Variants in PCSK1 observed in about 807,000 individuals in gnomAD.
PCSK1 encodes proprotein convertase subtilisin/kexin type 1, also known as neuroendocrine convertase 1.
PCSK1 carries 56 observed loss-of-function variants against 90.6 expected under a neutral mutation model. That is an observed-to-expected ratio of 0.62 (90% confidence interval 0.50 to 0.77). The LOEUF (loss-of-function observed/expected upper bound fraction) is 0.77, where lower values mean the gene tolerates loss of function less well. Among genes scored for constraint, PCSK1 ranks in the 30% least tolerant of loss-of-function variants. The pLI, the probability that PCSK1 is intolerant of heterozygous loss-of-function variation, is 0.00. For missense variants in PCSK1, 801 were observed against 932.6 expected (o/e 0.86, Z 1.84); for synonymous variants, 348 against 342.4 (o/e 1.02, Z -0.18).
chr5:96,407,763 T>G (rs1760622426), intron 9 of PCSK1, among the ~76,000 whole-genome samples: 3 of 152,210 alleles, frequency 2.0e-5, no homozygotes, highest in Admixed American at 2.0e-4. Context: ...TTATATCAGC[T>G]CCAGGACTAG....
intron 2 of PCSK1, among the ~76,000 whole-genome samples, chr5:96,428,957 G>T (rs928731545): frequency 1.3e-5 from 2 of 151,734 alleles, no homozygotes; most frequent in Non-Finnish European, 2.9e-5. Context: ...ATTAACTTTA[G>T]ATATATATGT....
intron 9 of PCSK1, among the ~76,000 whole-genome samples, chr5:96,401,982 T>A (rs528626397): frequency 1.1e-4 from 16 of 152,332 alleles, no homozygotes; most frequent in African/African-American, 3.6e-4. Flanking sequence ...TTGAGACCTG[T>A]ATTGTTCCCT....
chr5:96,412,263 C>T, intron 7 of PCSK1, 55 bp downstream of exon 7: 2 of 1,253,886 alleles, frequency 1.6e-6, no homozygotes, highest in East Asian at 4.9e-5. Flanking sequence ...TTTCCTTCTC[C>T]TCATATCCAG....
At chr5:96,408,871 G>A (rs1760660202) in intron 8 of PCSK1, among the ~76,000 whole-genome samples, 1 of 152,150 alleles carries the variant, frequency 6.6e-6, no homozygotes, top group Non-Finnish European at 1.5e-5. Flanking sequence ...CCTGTGAGTT[G>A]GTGTCCACAT....
rs1039644125 is a variant in PCSK1 at position 96,392,600 on chromosome 5, A to T, written c.*401T>A. On this transcript the variant is annotated 3_prime_UTR_variant, in exon 14 of 14. Coordinates refer to ENST00000311106, the MANE Select transcript of PCSK1 (RefSeq NM_000439.5). ...GGACAAGACAGGGAACAAGCTACAG[A>T]AACAGTTTCTGACTCCTTCTCATTC... The T allele has an allele frequency of 3.9e-5, 8 of 205,552 alleles. No individual in the cohort carries two copies. Among genetic ancestry groups the T allele is most frequent in the Non-Finnish European group, 5.9e-5 (6 of 101,396 alleles). The allele number at this position is 205,552 out of a possible 1,614,324, so 12.7% of individuals were successfully genotyped here.
intron 3 of PCSK1, among the ~76,000 whole-genome samples, chr5:96,425,007 GAAAAGAAAGAAA>G (rs1761243059): frequency 1.5e-5 from 1 of 66,874 alleles, no homozygotes. Flanking sequence ...GAGAAAGAAA[GAAAAGAAAGAAA>G]GAAAGAAAGA....
chr5:96,430,106 C>T (rs556579166), intron 1 of PCSK1, among the ~76,000 whole-genome samples: 323 of 152,188 alleles, frequency 2.1e-3, no homozygotes, highest in African/African-American at 7.3e-3. Context: ...TATTAGTGAT[C>T]GTTTGATTTT....
intron 5 of PCSK1, among the ~76,000 whole-genome samples, chr5:96,418,192 T>C (rs1449908017): frequency 6.6e-6 from 1 of 152,204 alleles, no homozygotes; most frequent in African/African-American, 2.4e-5. Context: ...AGGTTCCACC[T>C]CCAAACGTTG....
chr5:96,405,965 G>A (rs886760926), intron 9 of PCSK1, among the ~76,000 whole-genome samples: 1 of 152,166 alleles, frequency 6.6e-6, no homozygotes, highest in African/African-American at 2.4e-5. Flanking sequence ...GCTCCCTGGG[G>A]TAGTAGTCTG....
intron 13 of PCSK1, 115 bp from the exon 14 acceptor site, chr5:96,393,493 A>AG: frequency 1.6e-6 from 2 of 1,232,502 alleles, no homozygotes; most frequent in Non-Finnish European, 2.3e-6. Context: ...CAATGAGGGG[A>AG]GGGGAGAGAG....
rs769355355 is a variant in PCSK1 at position 96,432,989 on chromosome 5, A to G, written c.54T>C (p.Ala18=). 16 of 1,614,210 alleles carry G rather than the reference A, an allele frequency of 9.9e-6. No homozygotes were observed. In the South Asian group the frequency reaches 1.8e-4, roughly 18 times the overall value. The change falls in exon 1 of 14, where the codon GCT becomes GCC. Residue 18 remains alanine (A), a synonymous_variant. Coordinates refer to ENST00000311106, the MANE Select transcript of PCSK1 (RefSeq NM_000439.5). ...CTTTTGCACTGTTCAGTGCACACCA[A>G]GCGCAAAAGAGGACGAAAGCAGTGC... ...LQCTAFVLFC[A]WCALNSAKAK... is the part of the protein sequence containing the mutation.
At chr5:96,423,245 G>A in intron 4 of PCSK1, 68 bp downstream of exon 4, 1 of 1,485,062 alleles carries the variant, frequency 6.7e-7, no homozygotes, top group Non-Finnish European at 9.2e-7. Context: ...TGAAAAGAAG[G>A]AAAGCCCTAA....
intron 1 of PCSK1, among the ~76,000 whole-genome samples, chr5:96,431,341 G>C (rs1474506089): frequency 6.6e-6 from 1 of 152,066 alleles, no homozygotes; most frequent in Non-Finnish European, 1.5e-5. Context: ...TTCTGTTCCC[G>C]GAGCAAATGT....
rs201377789 is a variant in PCSK1 at position 96,432,978 on chromosome 5, A to G, written c.65T>C (p.Leu22Pro). The change falls in exon 1 of 14, where the codon CTG (leucine) becomes CCG (proline). Residue 22 changes from leucine (L) to proline (P), a missense_variant. Coordinates refer to ENST00000311106, the MANE Select transcript of PCSK1 (RefSeq NM_000439.5). ...AFVLFCAWCA[L>P]NSAKAKRQFV... ...TTGCCTTTTCGCTTTTGCACTGTTC[A>G]GTGCACACCAAGCGCAAAAGAGGAC... 7.1e-5 allele frequency: 114 copies of G among 1,614,184 alleles called. No homozygotes were observed. In the African/African-American group the frequency reaches 1.4e-3, roughly 20 times the overall value.
intron 8 of PCSK1, among the ~76,000 whole-genome samples, chr5:96,409,239 C>T (rs184265624): frequency 3.1e-3 from 469 of 152,226 alleles, no homozygotes; most frequent in Non-Finnish European, 5.9e-3. Context: ...CACCCAGGCT[C>T]CAGCACCGAA....
At chr5:96,430,625 A>AT (rs1445216505) in intron 1 of PCSK1, among the ~76,000 whole-genome samples, 2 of 152,208 alleles carry the variant, frequency 1.3e-5, no homozygotes, top group East Asian at 3.8e-4. Context: ...AATTAGTGTA[A>AT]TTTTAGTAAT....
At chr5:96,431,640 T>C (rs932426586) in intron 1 of PCSK1, among the ~76,000 whole-genome samples, 2 of 152,138 alleles carry the variant, frequency 1.3e-5, no homozygotes, top group South Asian at 2.1e-4. Context: ...CCAATCTGCA[T>C]TGATTTTCCT....
chr5:96,419,281 G>T (rs542074244), intron 5 of PCSK1, among the ~76,000 whole-genome samples: 3 of 148,292 alleles, frequency 2.0e-5, no homozygotes, highest in African/African-American at 7.5e-5. Flanking sequence ...GGTATTAAAT[G>T]AGTTTATATG....
intron 1 of PCSK1, among the ~76,000 whole-genome samples, chr5:96,430,657 G>A (rs1019778092): frequency 6.6e-6 from 1 of 152,114 alleles, no homozygotes; most frequent in Non-Finnish European, 1.5e-5. Context: ...AGAGAAATAA[G>A]CAGAACCAGG....
Sources: gnomAD v4.1 joint callset for allele counts (sites outside exome capture counted in the v4.1 genomes callset) on GRCh38, gnomAD v4.1.1 for gene constraint, MANE v1.5 for transcripts, NCBI Gene and HGNC (gene_info 2026-07-23, HGNC 2026-07-21) for gene names.